Variants in TRIM25 observed in about 807,000 individuals in gnomAD.
TRIM25 encodes E3 ubiquitin/ISG15 ligase TRIM25.
A neutral mutation model predicts 65.2 loss-of-function variants in TRIM25; 45 were observed. That is an observed-to-expected ratio of 0.69 (90% CI 0.54 to 0.89). The LOEUF (loss-of-function observed/expected upper bound fraction) is 0.89, where lower values mean the gene tolerates loss of function less well. Among genes scored for constraint, TRIM25 ranks in the 40% least tolerant of loss-of-function variants. The pLI, the probability that TRIM25 is intolerant of heterozygous loss-of-function variation, is 0.00. For synonymous variants in TRIM25, 321 were observed against 340.4 expected, an observed-to-expected ratio of 0.94 and a Z score of 0.63; for missense variants, 714 against 803.7, an observed-to-expected ratio of 0.89 and a Z score of 1.35.
At chr17:56,904,065 ATG>A (rs759238938) in intron 3 of TRIM25, among the ~76,000 whole-genome samples, 188 bp downstream of exon 3, 4 of 152,118 alleles carry the variant, frequency 2.6e-5, no homozygotes, top group Non-Finnish European at 5.9e-5. Context: ...GAGAATAAAT[ATG>A]TGTTTTTTGA....
In TRIM25 at chr17:56,904,431, G is replaced by C. The variant is rs768666142; in HGVS notation, c.751C>G (p.Leu251Val). 17 of 1,613,982 alleles carry C rather than the reference G, an allele frequency of 1.1e-5. No homozygotes were observed. The Admixed American group carries it at 2.5e-4, about 24-fold the overall frequency. The change falls in exon 3 of 9, where the codon CTC (leucine) becomes GTC (valine). Residue 251 changes from leucine (L) to valine (V), a missense_variant. Coordinates refer to ENST00000316881, the MANE Select transcript of TRIM25 (RefSeq NM_005082.5). The stretch of plus-strand genomic sequence containing the variant: ...GAGGTGGTCTCTGAGGCGTCCAAGA[G>C]AGCCTTCATTTCCGTGTATTCTTGT... ...LQQEYTEMKA[L>V]LDASETTSTR...
At chr17:56,901,693 G>T in intron 3 of TRIM25, 115 bp from the exon 4 acceptor site, 1 of 1,362,550 alleles carries the variant, frequency 7.3e-7, no homozygotes, top group Non-Finnish European at 1.0e-6. Flanking sequence ...AGTCCAATTG[G>T]CCTTCTCAAA....
Position 56,914,040 on chromosome 17 carries a change from C to T in TRIM25, c.-52G>A. 7.2e-7 allele frequency: 1 copy of T among 1,387,596 alleles called. No individual in the cohort carries two copies. The allele number at this position is 1,387,596 out of a possible 1,614,324, so 86.0% of individuals were successfully genotyped here. A position where few individuals can be genotyped will look rare whatever the true frequency, so the allele number is the denominator to read the frequency against. ...TGCTGCACCCGCGCTCCGAGGCCGCCGAGGAAACGAAACCTAGCTCGAGAG... is the reference window on the plus strand; with the variant it reads ...TGCTGCACCCGCGCTCCGAGGCCGCTGAGGAAACGAAACCTAGCTCGAGAG... On this transcript the variant is annotated 5_prime_UTR_variant, in exon 1 of 9. Transcript: ENST00000316881.
In TRIM25 at chr17:56,913,546, G is replaced by C; in HGVS notation, c.443C>G (p.Pro148Arg). ...PAFQDHPLQP[P>R]VRDLLRRKCS... ...TTTGCGGCGCAACAGGTCGCGAACGGGCGGCTGCAGCGGGTGGTCCTGGAA... is the reference window on the plus strand; with the variant it reads ...TTTGCGGCGCAACAGGTCGCGAACGCGCGGCTGCAGCGGGTGGTCCTGGAA... The change falls in exon 1 of 9, where the codon CCC becomes CGC. Residue 148 changes from proline to arginine, a missense_variant. By Grantham distance (103) the Pro-to-Arg change is moderately radical. Around this residue, in one of 3 missense-constraint regions of TRIM25, gnomAD observed 291 missense variants for 281.8 expected, o/e 1.03. Transcript: ENST00000316881. The surrounding 1 kb of genome is among the most constrained non-coding windows in gnomAD (Gnocchi z 6.1). 1 of 1,613,680 alleles carries C rather than the reference G, an allele frequency of 6.2e-7. No individual in the cohort carries two copies. The highest frequency in any genetic ancestry group is 8.5e-7 in the Non-Finnish European group (1 of 1,179,784).
intron 1 of TRIM25, among the ~76,000 whole-genome samples, chr17:56,909,636 G>A (rs1403342715): frequency 6.8e-6 from 1 of 146,650 alleles, no homozygotes; most frequent in African/African-American, 2.5e-5. Flanking sequence ...AGTGAGCTGA[G>A]ATGGCATCAC....
chr17:56,908,645 G>A, intron 1 of TRIM25, 82 bp from the exon 2 acceptor site: 1 of 1,375,566 alleles, frequency 7.3e-7, no homozygotes, highest in Non-Finnish European at 1.0e-6. Flanking sequence ...TATCCCACAG[G>A]ATAGATTCCT....
rs1359366026 is a variant in TRIM25, at chr17:56,899,106, G to T, written c.1153+9C>A. 6.2e-7 allele frequency: 1 copy of T among 1,614,032 alleles called. No individual in the cohort carries two copies. The highest frequency in any genetic ancestry group is 1.3e-5 in the African/African-American group (1 of 74,934). ...CTGTTGCCATGGAGACAGGGGTGGGGCTACTTACTGGAGACCTTCTTCACA... is the reference window on the plus strand; with the variant it reads ...CTGTTGCCATGGAGACAGGGGTGGGTCTACTTACTGGAGACCTTCTTCACA... On this transcript the variant is annotated intron_variant, in intron 5 of 8. Transcript: ENST00000316881.
intron 3 of TRIM25, among the ~76,000 whole-genome samples, chr17:56,902,491 C>G (rs879477604): frequency 6.6e-6 from 1 of 152,142 alleles, no homozygotes; most frequent in Non-Finnish European, 1.5e-5. Flanking sequence ...TTGGGAACAC[C>G]GATACGGCAT....
chr17:56,907,043 T>C (rs1399320269), intron 2 of TRIM25, among the ~76,000 whole-genome samples: 1 of 152,242 alleles, frequency 6.6e-6, no homozygotes, highest in Non-Finnish European at 1.5e-5. Flanking sequence ...AAATTGCTTG[T>C]TGTCCTCCAC....
At position 56,890,876 on chromosome 17, in the gene TRIM25, G is replaced by C. The variant is rs188795322; in HGVS notation, c.*824C>G. On this transcript the variant is annotated 3_prime_UTR_variant, in exon 9 of 9. Transcript: ENST00000316881. Reference sequence around the variant, plus strand: ...AAGGCTATGGGAAGCAAGGCCTCCAGCAAAGCTCATGGCTGCCACCAAAGC... The same window carrying C: ...AAGGCTATGGGAAGCAAGGCCTCCACCAAAGCTCATGGCTGCCACCAAAGC... 24 of 456,714 alleles carry C rather than the reference G, an allele frequency of 5.3e-5. No homozygotes were observed. The highest frequency in any genetic ancestry group is 4.7e-4 in the Admixed American group (20 of 42,582). The allele number at this position is 456,714 out of a possible 1,614,324, so 28.3% of individuals were successfully genotyped here. A position where few individuals can be genotyped will look rare whatever the true frequency, so the allele number is the denominator to read the frequency against.
chr17:56,908,689 A>C, intron 1 of TRIM25, 126 bp from the exon 2 acceptor site: 1 of 871,088 alleles, frequency 1.1e-6, no homozygotes, highest in Middle Eastern at 2.7e-4. Flanking sequence ...TTGCCACCCC[A>C]AGTCCTGTCA....
rs1408223787 is a variant in TRIM25, at chr17:56,913,715, G to T, written c.274C>A (p.Pro92Thr). Residue 92 changes from proline to threonine, a missense_variant, in exon 1 of 9, where the codon CCG becomes ACG. Physicochemically the swap from Pro to Thr is conservative, Grantham distance 38 (BLOSUM62 -1). Coordinates refer to ENST00000316881, the MANE Select transcript of TRIM25 (RefSeq NM_005082.5). The surrounding 1 kb of genome is among the most constrained non-coding windows in gnomAD (Gnocchi z 6.1). ...AREPPADVWT[P>T]PARASAPSPN... ...CTGGGTGCAGAGGCGCGGGCGGGCGGCGTCCAGACGTCGGCGGGTGGCTCC... is the reference window on the plus strand; with the variant it reads ...CTGGGTGCAGAGGCGCGGGCGGGCGTCGTCCAGACGTCGGCGGGTGGCTCC... 1.9e-6 allele frequency: 3 copies of T among 1,566,532 alleles called. No homozygotes were observed. Among genetic ancestry groups the T allele is most frequent in the Non-Finnish European group, 2.6e-6 (3 of 1,156,132 alleles).
At chr17:56,911,488 G>A (rs898935634) in intron 1 of TRIM25, among the ~76,000 whole-genome samples, 60 of 151,652 alleles carry the variant, frequency 4.0e-4, no homozygotes, top group African/African-American at 1.4e-3. Flanking sequence ...GTTGAGGCAG[G>A]AGAATCGCTT....
intron 1 of TRIM25, 151 bp from the exon 2 acceptor site, chr17:56,908,714 G>A (rs1171400499): frequency 1.4e-6 from 1 of 697,580 alleles, no homozygotes; most frequent in Admixed American, 2.3e-5. Context: ...AGTCTTGCCT[G>A]CTTGGAGCTT....
intron 1 of TRIM25, among the ~76,000 whole-genome samples, chr17:56,911,007 G>A (rs1665136237): frequency 6.6e-6 from 1 of 152,246 alleles, no homozygotes; most frequent in African/African-American, 2.4e-5. Flanking sequence ...GCTCACGCCT[G>A]TAATCCCAGC....
intron 8 of TRIM25, among the ~76,000 whole-genome samples, chr17:56,894,657 C>T (rs549742268): frequency 3.3e-5 from 5 of 152,278 alleles, no homozygotes; most frequent in African/African-American, 9.6e-5. Context: ...GAGATGTAAA[C>T]GTGCTACAGA....
At chr17:56,906,327 A>AC (rs34012849) in intron 2 of TRIM25, among the ~76,000 whole-genome samples, 19,501 of 152,286 alleles carry the variant, frequency 0.13, 1,631 homozygotes, top group Non-Finnish European at 0.18. Context: ...AGGCTCCAGA[A>AC]CTTTGAGCCA....
At chr17:56,906,321 T>C (rs1010822919) in intron 2 of TRIM25, among the ~76,000 whole-genome samples, 1 of 148,582 alleles carries the variant, frequency 6.7e-6, no homozygotes, top group African/African-American at 2.4e-5. Context: ...CCTCTCAGGC[T>C]CCAGAACTTT....
At chr17:56,900,516 G>C (rs1909389805) in intron 4 of TRIM25, among the ~76,000 whole-genome samples, 9 of 152,192 alleles carry the variant, frequency 5.9e-5, no homozygotes, top group Admixed American at 5.2e-4. Flanking sequence ...AGGACCCTGG[G>C]CCCAGTCTGA....
Sources: gnomAD v4.1 joint callset for allele counts (sites outside exome capture counted in the v4.1 genomes callset) on GRCh38, gnomAD v4.1.1 for gene constraint, gnomAD v4.1.1 regional missense constraint, Gnocchi (gnomAD v3.1) non-coding constraint, MANE v1.5 for transcripts, NCBI Gene and HGNC (gene_info 2026-07-23, HGNC 2026-07-21) for gene names.